The following HMGCLL1 variants were observed in gnomAD, a reference collection of about 807,000 sequenced individuals.
The protein encoded by HMGCLL1 is 3-hydroxymethyl-3-methylglutaryl-CoA lyase, cytoplasmic.
HMGCLL1 carries 36 observed loss-of-function variants against 39.1 expected under a neutral mutation model. The observed-to-expected ratio is 0.92, with a 90% CI of 0.71 to 1.22. HMGCLL1 has a LOEUF of 1.22. Among genes scored for constraint, HMGCLL1 ranks in the 50% most tolerant of loss-of-function variants. The pLI, the probability that HMGCLL1 is intolerant of heterozygous loss-of-function variation, is 0.00. For missense variants in HMGCLL1, 451 were observed against 416.5 expected (o/e 1.08, Z -0.72); for synonymous variants, 149 against 144.0 (o/e 1.03, Z -0.25).
chr6:55,492,696 T>C (rs993970598), intron 7 of HMGCLL1, among the ~76,000 whole-genome samples: 1 of 152,242 alleles, frequency 6.6e-6, no homozygotes, highest in Non-Finnish European at 1.5e-5. Flanking sequence ...CCTCATATCA[T>C]GTTGCTTATC....
intron 1 of HMGCLL1, among the ~76,000 whole-genome samples, chr6:55,553,127 G>C (rs1413951573): frequency 6.7e-6 from 1 of 149,560 alleles, no homozygotes; most frequent in Non-Finnish European, 1.5e-5. Flanking sequence ...TGGGCAACAA[G>C]AGCAAAACTC....
intron 3 of HMGCLL1, among the ~76,000 whole-genome samples, chr6:55,528,237 G>T (rs1469065585): frequency 6.6e-6 from 1 of 151,896 alleles, no homozygotes; most frequent in Non-Finnish European, 1.5e-5. Flanking sequence ...TCTATATGCA[G>T]GCGTACAACA....
chr6:55,581,199 A>C (rs1771981345), upstream of HMGCLL1, among the ~76,000 whole-genome samples: 1 of 152,244 alleles, frequency 6.6e-6, no homozygotes, highest in South Asian at 2.1e-4. Context: ...TAGGGAAAAA[A>C]AAATTATTGC....
At chr6:55,453,443 G>T (rs576794326) in intron 7 of HMGCLL1, among the ~76,000 whole-genome samples, 1 of 152,128 alleles carries the variant, frequency 6.6e-6, no homozygotes, top group African/African-American at 2.4e-5. Context: ...GATTACAGGC[G>T]TGAGCCACCG....
At chr6:55,632,022 T>G in the HMGCLL1 span, among the ~76,000 whole-genome samples, 1 of 152,084 alleles carries the variant, frequency 6.6e-6, no homozygotes, top group Non-Finnish European at 1.5e-5. Flanking sequence ...AGTATTAAGG[T>G]TTTTTTGTTT....
chr6:55,454,982 G>T (rs4715551), intron 7 of HMGCLL1, among the ~76,000 whole-genome samples: 52,536 of 151,486 alleles, frequency 0.35, 9,278 homozygotes, highest in East Asian at 0.43. Context: ...CAGTGGCTCA[G>T]GTCTGTGTTC....
intron 7 of HMGCLL1, among the ~76,000 whole-genome samples, chr6:55,490,162 T>C (rs1766236885): frequency 6.6e-6 from 1 of 152,060 alleles, no homozygotes; most frequent in Non-Finnish European, 1.5e-5. Context: ...AGCCTCTGGA[T>C]CCCAAAAAAG....
the HMGCLL1 span, among the ~76,000 whole-genome samples, chr6:55,648,136 A>G: frequency 2.1e-3 from 272 of 132,334 alleles, 2 homozygotes; most frequent in African/African-American, 6.9e-3. Context: ...TCCATGGTGT[A>G]TATGGGCCAC....
intron 7 of HMGCLL1, 106 bp from the exon 8 acceptor site, chr6:55,439,665 G>A: frequency 8.1e-7 from 1 of 1,229,810 alleles, no homozygotes; most frequent in South Asian, 1.5e-5. Context: ...ATCTGAACTG[G>A]TTATTCAAAT....
chr6:55,464,661 A>G (rs2127398821), intron 7 of HMGCLL1, among the ~76,000 whole-genome samples: 1 of 152,234 alleles, frequency 6.6e-6, no homozygotes, highest in East Asian at 1.9e-4. Context: ...AATTCCTACC[A>G]GTTTAAGAGA....
chr6:55,536,104 G>A (rs552672763), intron 3 of HMGCLL1, among the ~76,000 whole-genome samples: 5 of 152,186 alleles, frequency 3.3e-5, no homozygotes, highest in Non-Finnish European at 7.3e-5. Context: ...ACCAAAAGGA[G>A]AGTAGGGGTA....
At chr6:55,543,761 T>C (rs9396105) in intron 1 of HMGCLL1, among the ~76,000 whole-genome samples, 57,219 of 150,550 alleles carry the variant, frequency 0.38, 12,314 homozygotes, top group East Asian at 0.52. Context: ...CCAGCTACTC[T>C]ACTTGGAAGG....
Position 55,514,133 on chromosome 6 carries a change from T to C in HMGCLL1, c.457A>G (p.Asn153Asp). 2 of 1,612,916 alleles carry C rather than the reference T, an allele frequency of 1.2e-6. No individual in the cohort carries two copies. Among genetic ancestry groups the C allele is most frequent in the South Asian group, 2.2e-5 (2 of 90,988 alleles). Residue 153 changes from asparagine to aspartate, a missense_variant, in exon 5 of 9, where the codon AAT becomes GAT. Coordinates refer to ENST00000274901, the MANE Select transcript of HMGCLL1 (RefSeq NM_001042406.2). Reference protein sequence around the residue: ...GAASESFSKKNINCSIEESMG... With the variant: ...GAASESFSKKDINCSIEESMG... ...CTTTCTTCAATGGAACAGTTAATAT[T>C]CTTCTTGCTAAAGGATTCAGATGCA...
intron 1 of HMGCLL1, chr6:55,563,950 G>C: frequency 8.7e-7 from 1 of 1,148,612 alleles, no homozygotes; most frequent in Non-Finnish European, 1.2e-6. Flanking sequence ...GTTGAAACAG[G>C]GCATTGAAAA....
chr6:55,641,691 A>T, the HMGCLL1 span, among the ~76,000 whole-genome samples: 9 of 151,942 alleles, frequency 5.9e-5, no homozygotes, highest in Admixed American at 5.9e-4. Context: ...CCATTATAAT[A>T]AATACGTATT....
chr6:55,502,713 G>GTTT (rs77793967), intron 5 of HMGCLL1, among the ~76,000 whole-genome samples: 1 of 147,506 alleles, frequency 6.8e-6, no homozygotes, highest in Admixed American at 6.8e-5. Flanking sequence ...TAAAGATCTG[G>GTTT]TTTTTTTTTT....
chr6:55,619,646 A>G, the HMGCLL1 span, among the ~76,000 whole-genome samples: 1 of 152,128 alleles, frequency 6.6e-6, no homozygotes, highest in Non-Finnish European at 1.5e-5. Context: ...TAATCACATC[A>G]GGGAAAATAG....
At chr6:55,624,790 T>C in the HMGCLL1 span, among the ~76,000 whole-genome samples, 1 of 152,164 alleles carries the variant, frequency 6.6e-6, no homozygotes, top group African/African-American at 2.4e-5. Context: ...GATAAGTTAC[T>C]GCATTTGGCC....
chr6:55,641,359 C>T, the HMGCLL1 span, among the ~76,000 whole-genome samples: 1 of 151,638 alleles, frequency 6.6e-6, no homozygotes, highest in South Asian at 2.1e-4. Context: ...ATCTACTGAC[C>T]AAAAAGGTGG....
Sources: gnomAD v4.1 joint callset for allele counts (sites outside exome capture counted in the v4.1 genomes callset) on GRCh38, gnomAD v4.1.1 for gene constraint, MANE v1.5 for transcripts, NCBI Gene and HGNC (gene_info 2026-07-23, HGNC 2026-07-21) for gene names.